Variants in WRNIP1 observed in about 807,000 individuals in gnomAD.
WRNIP1 encodes ATPase WRNIP1.
Under a neutral mutation model 56.1 loss-of-function variants are expected in WRNIP1, and 41 were observed. The ratio of observed to expected loss-of-function variants is 0.73; its 90% CI spans 0.57 to 0.95. The LOEUF (loss-of-function observed/expected upper bound fraction) is 0.95, where lower values mean the gene tolerates loss of function less well. Ranked by LOEUF, WRNIP1 falls within the 40% of genes least tolerant of loss-of-function variation. The pLI is 0.00. For missense variants in WRNIP1, 1,170 were observed against 939.4 expected (o/e 1.25, Z -3.21); for synonymous variants, 547 against 398.1 (o/e 1.37, Z -4.45).
chr6:2,784,330 C>G lies in WRNIP1; in HGVS notation c.1649C>G (p.Ala550Gly). 2 of 1,613,348 alleles carry G rather than the reference C, an allele frequency of 1.2e-6. No individual in the cohort carries two copies. Among genetic ancestry groups the G allele is most frequent in the Non-Finnish European group, 1.7e-6 (2 of 1,179,414 alleles). Reference protein sequence around the residue: ...VRFASEDIGLADPSALTQAVA... With the variant: ...VRFASEDIGLGDPSALTQAVA... ...TTGTCTCTGTGTGTGGCAGGTCTGGCAGACCCGTCTGCGTTAACACAAGCG... is the reference window on the plus strand; with the variant it reads ...TTGTCTCTGTGTGTGGCAGGTCTGGGAGACCCGTCTGCGTTAACACAAGCG... Residue 550 changes from alanine (A) to glycine (G), a missense_variant, in exon 6 of 7, where the codon GCA becomes GGA. Coordinates refer to ENST00000380773, the MANE Select transcript of WRNIP1 (RefSeq NM_020135.3).
Position 2,766,427 on chromosome 6 carries a change from C to T in WRNIP1, c.805C>T (p.Pro269Ser). 2 of 1,577,626 alleles carry T rather than the reference C, an allele frequency of 1.3e-6. No homozygotes were observed. The highest frequency in any genetic ancestry group is 1.7e-6 in the Non-Finnish European group (2 of 1,157,502). Residue 269 changes from proline to serine, a missense_variant, in exon 1 of 7, where the codon CCG (proline) becomes TCG (serine). Physicochemically the swap from Pro to Ser is moderately conservative, Grantham distance 74. Coordinates refer to ENST00000380773, the MANE Select transcript of WRNIP1 (RefSeq NM_020135.3). ...NEIPSLILWG[P>S]PGCGKTTLAH... Reference sequence around the variant, plus strand: ...AATCCCCTCGCTTATCCTGTGGGGGCCGCCGGGCTGCGGCAAGGTGAGTGC... The same window carrying T: ...AATCCCCTCGCTTATCCTGTGGGGGTCGCCGGGCTGCGGCAAGGTGAGTGC...
Position 2,785,177 on chromosome 6 carries a change from T to C in WRNIP1, c.1893T>C (p.Tyr631=). 6.2e-7 allele frequency: 1 copy of C among 1,614,188 alleles called. No homozygotes were observed. The highest frequency in any genetic ancestry group is 1.3e-5 in the African/African-American group (1 of 75,044). ...CTAGGCTGATGAAGGATTTGGGCTA[T>C]GGCAAAGGCTACAAGTACAACCCCA... ...APTRLMKDLG[Y]GKGYKYNPMY... The change falls in exon 7 of 7, where the codon TAT becomes TAC. Residue 631 remains tyrosine, a synonymous_variant. Transcript: ENST00000380773.
intron 3 of WRNIP1, chr6:2,773,494 A>G (rs1350911961): frequency 2.0e-6 from 2 of 985,296 alleles, no homozygotes; most frequent in South Asian, 4.7e-5. Context: ...TCTACGCCAT[A>G]GTTGCTTTGG....
In WRNIP1 at chr6:2,775,901, T is replaced by C. The variant is rs527682766; in HGVS notation, c.1257-3362T>C. Among the ~76,000 whole-genome samples the C allele has an allele frequency of 9.8e-5, 15 of 152,386 alleles. No individual in the cohort carries two copies. The East Asian group carries it at 2.9e-3, about 29-fold the overall frequency. On this transcript the variant is annotated intron_variant, in intron 3 of 6. Transcript: ENST00000380773. ...CTATTGTTTATTTCCATGTAGGATGTTATGACATTTTGGGCAGTCTATCCC... is the reference window on the plus strand; with the variant it reads ...CTATTGTTTATTTCCATGTAGGATGCTATGACATTTTGGGCAGTCTATCCC...
intron 3 of WRNIP1, among the ~76,000 whole-genome samples, chr6:2,778,179 C>A (rs538456338): frequency 6.6e-6 from 1 of 152,176 alleles, no homozygotes; most frequent in Non-Finnish European, 1.5e-5. Flanking sequence ...GAAACTGCCA[C>A]CCCTCCCCGG....
intron 1 of WRNIP1, 85 bp downstream of exon 1, chr6:2,766,529 TC>T (rs1765003164): frequency 5.0e-6 from 7 of 1,411,890 alleles, no homozygotes; most frequent in Non-Finnish European, 6.5e-6. Context: ...TGTGCTGCCC[TC>T]GAAAGAAGCC....
At chr6:2,770,745 A>T (rs1173516782) in intron 3 of WRNIP1, among the ~76,000 whole-genome samples, 1 of 152,188 alleles carries the variant, frequency 6.6e-6, no homozygotes, top group Non-Finnish European at 1.5e-5. Context: ...GACTTACCAT[A>T]CAACTCTTTT....
intron 6 of WRNIP1, 44 bp from the exon 7 acceptor site, chr6:2,784,963 C>T (rs776194978): frequency 1.2e-6 from 2 of 1,605,798 alleles, no homozygotes; most frequent in East Asian, 2.2e-5. Context: ...AGAACAGAAG[C>T]TTGGCATCTT....
rs536041056 is a variant in WRNIP1 at position 2,770,150 on chromosome 6, A to G, written c.1045A>G (p.Thr349Ala). Residue 349 changes from threonine to alanine, a missense_variant, in exon 3 of 7, where the codon ACG (threonine) becomes GCG (alanine). Thr to Ala is a moderately conservative substitution (Grantham distance 58). Transcript: ENST00000380773. ...TTTCCTTCCTCACGTGGAATGTGGG[A>G]CGATCACTCTGATTGGGGCAACCAC... Reference protein sequence around the residue: ...DTFLPHVECGTITLIGATTEN... With the variant: ...DTFLPHVECGAITLIGATTEN... The G allele has an allele frequency of 6.2e-7, 1 of 1,614,198 alleles. No homozygotes were observed. The highest frequency in any genetic ancestry group is 2.2e-5 in the East Asian group (1 of 44,886).
chr6:2,784,262 C>T (rs1297434245), intron 5 of WRNIP1, 62 bp from the exon 6 acceptor site: 5 of 1,537,256 alleles, frequency 3.3e-6, no homozygotes, highest in East Asian at 2.3e-5. Context: ...GTCGCCTGCA[C>T]ATAGGCCAGG....
intron 1 of WRNIP1, among the ~76,000 whole-genome samples, chr6:2,767,466 C>T (rs1261650172): frequency 6.6e-6 from 1 of 152,218 alleles, no homozygotes; most frequent in Non-Finnish European, 1.5e-5. Context: ...AGCACACCCC[C>T]TTTAACTCCA....
At position 2,779,075 on chromosome 6, in the gene WRNIP1, G is replaced by A. The variant is rs565371905; in HGVS notation, c.1257-188G>A. Among the ~76,000 whole-genome samples the A allele has an allele frequency of 7.2e-5, 11 of 152,332 alleles. No homozygotes were observed. The South Asian group carries it at 2.3e-3, about 32-fold the overall frequency. ...TCATAAGATACAGGGCGATAACCTG[G>A]TGACTTAGGAGCCCCAGTCAGTTCG... On this transcript the variant is annotated intron_variant, in intron 3 of 6. Transcript: ENST00000380773.
In WRNIP1 at chr6:2,765,616, G is replaced by A; in HGVS notation, c.-7G>A. ...CGCGCCGGGCGCCGGGGAGGGCGGC[G>A]GCCGCCATGGAGGTGAGCGGGCCGG... On this transcript the variant is annotated 5_prime_UTR_variant, in exon 1 of 7. Transcript: ENST00000380773. 1.3e-6 allele frequency: 2 copies of A among 1,514,704 alleles called. No individual in the cohort carries two copies. Among genetic ancestry groups the A allele is most frequent in the East Asian group, 2.8e-5 (1 of 35,800 alleles). The allele number at this position is 1,514,704 out of a possible 1,614,324, so 93.8% of individuals were successfully genotyped here.
At position 2,765,804 on chromosome 6, in the gene WRNIP1, C is replaced by T. The variant is rs767949238; in HGVS notation, c.182C>T (p.Ala61Val). The part of the protein sequence containing the change: ...AAGSHRAGER[A>V]KGPSPPGAKR... ...GGGTCGCACCGCGCCGGGGAGCGGG[C>T]CAAGGGGCCCTCGCCGCCCGGCGCC... Residue 61 changes from alanine to valine, a missense_variant, in exon 1 of 7, where the codon GCC becomes GTC. Ala to Val is a moderately conservative substitution (Grantham distance 64). Transcript: ENST00000380773. 4 of 1,370,064 alleles carry T rather than the reference C, an allele frequency of 2.9e-6. No homozygotes were observed. In the South Asian group the frequency reaches 5.1e-5, roughly 17 times the overall value. The allele number at this position is 1,370,064 out of a possible 1,614,324, so 84.9% of individuals were successfully genotyped here. A position where few individuals can be genotyped will look rare whatever the true frequency, so the allele number is the denominator to read the frequency against.
chr6:2,782,304 CAG>C (rs1198494798), intron 4 of WRNIP1, among the ~76,000 whole-genome samples: 1 of 152,260 alleles, frequency 6.6e-6, no homozygotes, highest in Non-Finnish European at 1.5e-5. Flanking sequence ...AGTTTGTTCT[CAG>C]AAATCCAGTA....
chr6:2,784,567 G>A (rs1385399348), intron 6 of WRNIP1, among the ~76,000 whole-genome samples, 164 bp downstream of exon 6: 1 of 152,148 alleles, frequency 6.6e-6, no homozygotes, highest in Non-Finnish European at 1.5e-5. Flanking sequence ...GACTCCTAGA[G>A]AGGGAAACCT....
Position 2,765,861 on chromosome 6 carries a change from T to A in WRNIP1, c.239T>A (p.Leu80Gln). ...KRRRLSESSA[L>Q]KQPATPTAAE... is the part of the protein sequence containing the mutation. ...CGGCGGCTGTCGGAGAGCTCGGCGC[T>A]GAAGCAGCCAGCCACCCCGACGGCA... The change falls in exon 1 of 7, where the codon CTG (leucine) becomes CAG (glutamine). Residue 80 changes from leucine (L) to glutamine (Q), a missense_variant. Coordinates refer to ENST00000380773, the MANE Select transcript of WRNIP1 (RefSeq NM_020135.3). 6.9e-7 allele frequency: 1 copy of A among 1,440,692 alleles called. No individual in the cohort carries two copies. Among genetic ancestry groups the A allele is most frequent in the Non-Finnish European group, 9.1e-7 (1 of 1,098,292 alleles). 89.2% of individuals were successfully genotyped at this position (1,440,692 alleles called of 1,614,324 possible). A position where few individuals can be genotyped will look rare whatever the true frequency, so the allele number is the denominator to read the frequency against.
At chr6:2,770,387 G>C in intron 3 of WRNIP1, 26 bp downstream of exon 3, 1 of 1,612,874 alleles carries the variant, frequency 6.2e-7, no homozygotes, top group Non-Finnish European at 8.5e-7. Context: ...GCAGCGTCCT[G>C]GGGGCACACA....
At chr6:2,771,963 A>C (rs924191896) in intron 3 of WRNIP1, among the ~76,000 whole-genome samples, 7 of 152,212 alleles carry the variant, frequency 4.6e-5, no homozygotes, top group Non-Finnish European at 8.8e-5. Flanking sequence ...TATTGATTTC[A>C]TGTCATCAGT....
Sources: gnomAD v4.1 joint callset for allele counts (sites outside exome capture counted in the v4.1 genomes callset) on GRCh38, gnomAD v4.1.1 for gene constraint, MANE v1.5 for transcripts, NCBI Gene and HGNC (gene_info 2026-07-23, HGNC 2026-07-21) for gene names.